Variants in NUP107 observed in about 807,000 individuals in gnomAD.
NUP107 encodes the protein nuclear pore complex protein Nup107.
NUP107 carries 101 observed loss-of-function variants against 141.0 expected under a neutral mutation model. That is an observed-to-expected ratio of 0.72 (90% CI 0.61 to 0.84). The LOEUF is 0.84. Ranked by LOEUF, NUP107 falls within the 40% of genes least tolerant of loss-of-function variation. The pLI is 0.00. For synonymous variants in NUP107, 319 were observed against 363.9 expected (o/e 0.88, Z 1.41); for missense variants, 941 against 1,102.7 (o/e 0.85, Z 2.08).
intron 11 of NUP107, among the ~76,000 whole-genome samples, chr12:68,715,287 A>G (rs1047705518): frequency 1.3e-5 from 2 of 152,172 alleles, no homozygotes; most frequent in Non-Finnish European, 2.9e-5. Context: ...TGAGGTCAGG[A>G]GTTCGAGACC....
chr12:68,739,953 G>T (rs1429098752), intron 26 of NUP107: 1 of 152,188 alleles, frequency 6.6e-6, no homozygotes, highest in African/African-American at 2.4e-5. Flanking sequence ...TTCAGTTGTA[G>T]CAGAGCTGTT....
chr12:68,704,961 C>T (rs960732587), intron 8 of NUP107, among the ~76,000 whole-genome samples: 63 of 151,972 alleles, frequency 4.1e-4, no homozygotes, highest in African/African-American at 1.5e-3. Flanking sequence ...TAGTTCACTG[C>T]AGCCTCGAAC....
intron 5 of NUP107, among the ~76,000 whole-genome samples, chr12:68,693,348 A>T (rs1343005021): frequency 6.6e-6 from 1 of 152,122 alleles, no homozygotes; most frequent in Non-Finnish European, 1.5e-5. Flanking sequence ...AAGTCCTGAG[A>T]TTACAGGCGT....
chr12:68,697,688 G>A (rs551127595), intron 6 of NUP107, among the ~76,000 whole-genome samples: 2 of 151,968 alleles, frequency 1.3e-5, no homozygotes, highest in Non-Finnish European at 2.9e-5. Context: ...CAAAAGATGG[G>A]AACAGGCACC....
intron 14 of NUP107, among the ~76,000 whole-genome samples, chr12:68,720,284 A>G (rs941137998): frequency 6.6e-6 from 1 of 152,168 alleles, no homozygotes; most frequent in Non-Finnish European, 1.5e-5. Context: ...CATAAATACT[A>G]CAATAAATAT....
At chr12:68,723,840 T>C (rs1877450401) in intron 17 of NUP107, among the ~76,000 whole-genome samples, 1 of 152,230 alleles carries the variant, frequency 6.6e-6, no homozygotes, top group Non-Finnish European at 1.5e-5. Flanking sequence ...TGTGAATTTT[T>C]TGTTCATATC....
rs780651405 is a variant in NUP107 at position 68,733,521 on chromosome 12, A to G, written c.2171A>G (p.Tyr724Cys). 3.1e-6 allele frequency: 5 copies of G among 1,613,784 alleles called. No homozygotes were observed. In the South Asian group the frequency reaches 3.3e-5, roughly 11 times the overall value. ...KIPQDSIAEIYNQCEEQGMES... is the reference protein window; with the variant it reads ...KIPQDSIAEICNQCEEQGMES... ...CCTCAGGATTCTATAGCAGAAATCT[A>G]TAATCAGTGCGAGGAACAAGGAATG... Residue 724 changes from tyrosine (Y) to cysteine (C), a missense_variant, in exon 24 of 28, where the codon TAT (tyrosine) becomes TGT (cysteine). Physicochemically the swap from Tyr to Cys is radical, Grantham distance 194. Transcript: ENST00000229179.
chr12:68,711,790 C>T (rs1266708064), intron 10 of NUP107, among the ~76,000 whole-genome samples: 1 of 152,068 alleles, frequency 6.6e-6, no homozygotes, highest in Non-Finnish European at 1.5e-5. Flanking sequence ...CTGGAGGAAG[C>T]CAGATATAGG....
At chr12:68,716,444 T>A (rs1877119052) in intron 12 of NUP107, among the ~76,000 whole-genome samples, 1 of 151,804 alleles carries the variant, frequency 6.6e-6, no homozygotes, top group South Asian at 2.1e-4. Flanking sequence ...TTGTCCAGGC[T>A]GATCGTGAAC....
At chr12:68,701,396 T>G (rs1279011718) in intron 7 of NUP107, among the ~76,000 whole-genome samples, 1 of 152,138 alleles carries the variant, frequency 6.6e-6, no homozygotes, top group East Asian at 1.9e-4. Context: ...AATTAGCACT[T>G]GTGGGCTGGG....
chr12:68,742,854 T>G lies in NUP107; in HGVS notation c.*392T>G, dbSNP rs1878377928. On this transcript the variant is annotated 3_prime_UTR_variant, in exon 28 of 28. Transcript: ENST00000229179. ...TTTATTTATCATAAAATTTAGTATT[T>G]TTGAATATTAAAATTAAGAAGATGA... 6.6e-6 allele frequency: 1 copy of G among 152,318 alleles called. No individual in the cohort carries two copies. Among genetic ancestry groups the G allele is most frequent in the African/African-American group, 2.4e-5 (1 of 41,442 alleles). 9.4% of individuals were successfully genotyped at this position (152,318 alleles called of 1,614,324 possible).
chr12:68,703,137 C>T (rs535171066), intron 8 of NUP107, among the ~76,000 whole-genome samples: 4 of 152,106 alleles, frequency 2.6e-5, no homozygotes, highest in Admixed American at 6.6e-5. Flanking sequence ...TGAGCCACTG[C>T]GCCCAGCCAG....
intron 1 of NUP107, among the ~76,000 whole-genome samples, chr12:68,688,099 T>A (rs528253461): frequency 5.3e-5 from 8 of 152,166 alleles, no homozygotes; most frequent in Non-Finnish European, 1.0e-4. Context: ...TGTGGCTGAA[T>A]AGAAGACTGA....
chr12:68,711,199 A>G (rs573810248), intron 10 of NUP107, among the ~76,000 whole-genome samples: 7 of 152,046 alleles, frequency 4.6e-5, no homozygotes, highest in Non-Finnish European at 1.0e-4. Flanking sequence ...AAAATACAAA[A>G]AATTAGCCAG....
chr12:68,719,709 C>T, intron 14 of NUP107, 55 bp downstream of exon 14: 1 of 1,235,190 alleles, frequency 8.1e-7, no homozygotes, highest in Non-Finnish European at 1.2e-6. Context: ...TAATTGAAAG[C>T]CTATTCAGGG....
chr12:68,695,686 G>A (rs1164952665), intron 5 of NUP107, among the ~76,000 whole-genome samples: 1 of 152,142 alleles, frequency 6.6e-6, no homozygotes, highest in Non-Finnish European at 1.5e-5. Flanking sequence ...TAGTTCTGTG[G>A]ATACATAGTG....
chr12:68,690,205 C>G (rs1347833462), intron 3 of NUP107, among the ~76,000 whole-genome samples: 1 of 151,190 alleles, frequency 6.6e-6, no homozygotes, highest in African/African-American at 2.4e-5. Flanking sequence ...TTTACATACT[C>G]TTTTTTTGTT....
intron 5 of NUP107, 24 bp from the exon 6 acceptor site, chr12:68,696,793 CTT>C (rs35640989): frequency 3.7e-3 from 3,777 of 1,015,118 alleles, no homozygotes; most frequent in South Asian, 0.011. Flanking sequence ...TTCTTTATTC[CTT>C]TTTTTTTTTT....
At chr12:68,692,282 C>T in intron 5 of NUP107, 170 bp downstream of exon 5, 2 of 662,564 alleles carry the variant, frequency 3.0e-6, no homozygotes, top group Admixed American at 3.7e-5. Context: ...TTTTTTGAGA[C>T]AAGAGTCTCA....
Sources: allele counts gnomAD v4.1 joint callset (sites outside exome capture counted in the v4.1 genomes callset), GRCh38; gene constraint gnomAD v4.1.1; transcripts MANE v1.5; gene names NCBI Gene and HGNC (gene_info 2026-07-23, HGNC 2026-07-21).